ADAMTSL1: variants seen among roughly 807,000 people sequenced by gnomAD.
ADAMTSL1 encodes ADAMTS like 1.
ADAMTSL1 carries 126 observed loss-of-function variants against 201.8 expected under a neutral mutation model. The ratio of observed to expected loss-of-function variants is 0.62; its 90% CI spans 0.54 to 0.72. The LOEUF is 0.72. Among genes scored for constraint, ADAMTSL1 ranks in the 30% least tolerant of loss-of-function variants. The pLI is 0.00. For synonymous variants in ADAMTSL1, 1,121 were observed against 903.4 expected, an observed-to-expected ratio of 1.24 and a Z score of -4.32; for missense variants, 2,679 against 2,277.8, an observed-to-expected ratio of 1.18 and a Z score of -3.59.
chr9:17,921,574 C>G (rs1178975281), intron 1 of ADAMTSL1, among the ~76,000 whole-genome samples: 1 of 152,122 alleles, frequency 6.6e-6, no homozygotes, highest in African/African-American at 2.4e-5. Context: ...ATTTTTCTAT[C>G]CTGATCCAGT....
intron 1 of ADAMTSL1, among the ~76,000 whole-genome samples, chr9:18,046,254 A>G (rs1438100585): frequency 6.6e-6 from 1 of 152,182 alleles, no homozygotes; most frequent in Non-Finnish European, 1.5e-5. Flanking sequence ...TAAGGCAGCA[A>G]GTTGTTTCAG....
chr9:18,441,762 T>C (rs1820003197), intron 2 of ADAMTSL1, among the ~76,000 whole-genome samples: 1 of 152,106 alleles, frequency 6.6e-6, no homozygotes, highest in African/African-American at 2.4e-5. Context: ...AATGTAATGC[T>C]CTCAGCCTGG....
intron 3 of ADAMTSL1, among the ~76,000 whole-genome samples, chr9:18,570,707 C>T (rs1358683375): frequency 6.6e-6 from 1 of 152,162 alleles, no homozygotes; most frequent in Non-Finnish European, 1.5e-5. Context: ...AACTCAAACA[C>T]TAAAAAGGTT....
intron 2 of ADAMTSL1, among the ~76,000 whole-genome samples, chr9:18,453,350 G>A (rs1820485425): frequency 6.6e-6 from 1 of 152,020 alleles, no homozygotes; most frequent in Admixed American, 6.5e-5. Flanking sequence ...CAATGGGAGG[G>A]GCAGCCATGA....
intron 1 of ADAMTSL1, among the ~76,000 whole-genome samples, chr9:18,038,244 A>G (rs1821287267): frequency 6.6e-6 from 1 of 152,158 alleles, no homozygotes; most frequent in Admixed American, 6.5e-5. Context: ...GCTATTAATC[A>G]GGCAGCAGCT....
intron 2 of ADAMTSL1, among the ~76,000 whole-genome samples, chr9:18,253,882 G>GA (rs1831566089): frequency 1.3e-5 from 2 of 152,196 alleles, no homozygotes; most frequent in African/African-American, 4.8e-5. Context: ...CACCAGCAGT[G>GA]ATAATGGCAT....
intron 24 of ADAMTSL1, among the ~76,000 whole-genome samples, chr9:18,888,682 T>C (rs1829053772): frequency 6.6e-6 from 1 of 152,112 alleles, no homozygotes; most frequent in Non-Finnish European, 1.5e-5. Context: ...CTGGCCTTCT[T>C]ATAGTGTTTT....
chr9:18,908,450 A>G lies in ADAMTSL1; in HGVS notation c.5191A>G (p.Arg1731Gly), dbSNP rs1405827871. The G allele has an allele frequency of 1.3e-6, 2 of 1,557,690 alleles. No individual in the cohort carries two copies. Among genetic ancestry groups the G allele is most frequent in the Non-Finnish European group, 1.7e-6 (2 of 1,150,562 alleles). ...CCGTCCTCCTTTCCCAGTGGAGTGC[A>G]GAGACACCACCAGGTACTGCGAGAA... ...NITPCENMEC[R>G]DTTRYCEKVK... The change falls in exon 29 of 29, where the codon AGA becomes GGA. Residue 1731 changes from arginine to glycine, a missense_variant. Physicochemically the swap from Arg to Gly is moderately radical, Grantham distance 125 (BLOSUM62 -2). Transcript: ENST00000380548.
At chr9:18,116,528 A>C (rs561838344) in intron 1 of ADAMTSL1, among the ~76,000 whole-genome samples, 1 of 152,190 alleles carries the variant, frequency 6.6e-6, no homozygotes, top group South Asian at 2.1e-4. Flanking sequence ...TGTTTCTCTC[A>C]CTGTGTTATG....
At chr9:18,096,902 T>A (rs973274466) in intron 1 of ADAMTSL1, among the ~76,000 whole-genome samples, 3 of 152,224 alleles carry the variant, frequency 2.0e-5, no homozygotes, top group Non-Finnish European at 2.9e-5. Context: ...TTTTTTGTCA[T>A]CTTCTCTTAG....
chr9:18,392,306 T>A (rs1357843426), intron 2 of ADAMTSL1, among the ~76,000 whole-genome samples: 2 of 152,186 alleles, frequency 1.3e-5, no homozygotes, highest in African/African-American at 4.8e-5. Context: ...CTTTAGTACA[T>A]GTGGTTAATA....
At chr9:18,211,907 A>G (rs1829886598) in intron 2 of ADAMTSL1, among the ~76,000 whole-genome samples, 1 of 152,200 alleles carries the variant, frequency 6.6e-6, no homozygotes, top group Admixed American at 6.5e-5. Context: ...GTTAAGCTAC[A>G]AACTGTGGGA....
At chr9:18,530,577 A>C (rs1312387729) in intron 2 of ADAMTSL1, among the ~76,000 whole-genome samples, 1 of 152,298 alleles carries the variant, frequency 6.6e-6, no homozygotes, top group South Asian at 2.1e-4. Flanking sequence ...ATCTGCAGGC[A>C]TGCCAAATCT....
intron 23 of ADAMTSL1, among the ~76,000 whole-genome samples, chr9:18,886,166 G>GTGTGTGTA (rs1554657845): frequency 2.7e-5 from 1 of 37,138 alleles, no homozygotes; most frequent in African/African-American, 1.5e-4. Context: ...GTGTGTATGT[G>GTGTGTGTA]TATATATATA....
intron 26 of ADAMTSL1, among the ~76,000 whole-genome samples, chr9:18,897,125 C>T (rs568406326): frequency 2.0e-5 from 3 of 152,286 alleles, no homozygotes; most frequent in East Asian, 3.9e-4. Context: ...AGATAGTGGC[C>T]AGAATGATTG....
intron 2 of ADAMTSL1, among the ~76,000 whole-genome samples, chr9:18,513,436 T>C (rs78979166): frequency 0.014 from 2,186 of 152,328 alleles, 31 homozygotes; most frequent in East Asian, 0.058. Flanking sequence ...TCACTCAGGA[T>C]AATGGCCTCA....
rs1373922942 is a variant in ADAMTSL1, at chr9:17,925,197, A to G, written c.87+18275A>G. Among the ~76,000 whole-genome samples the G allele has an allele frequency of 2.6e-5, 3 of 115,682 alleles. 1 individual carries two copies. In the Admixed American group the frequency reaches 2.9e-4, roughly 11 times the overall value. The allele number at this position is 115,682 out of a possible 152,430, so 75.9% of individuals were successfully genotyped here. On this transcript the variant is annotated intron_variant, in intron 1 of 29. Transcript: ENST00000680146. The stretch of plus-strand genomic sequence containing the variant: ...TTAGAATGGCAATCATTAAAAAGTC[A>G]GGAAACAACAGGTGCTGAAGAGGAT...
At chr9:17,971,298 T>G (rs1818198115) in intron 1 of ADAMTSL1, among the ~76,000 whole-genome samples, 1 of 152,064 alleles carries the variant, frequency 6.6e-6, no homozygotes, top group Non-Finnish European at 1.5e-5. Context: ...AAATAGTTTC[T>G]TGTCTATTCA....
intron 2 of ADAMTSL1, among the ~76,000 whole-genome samples, chr9:18,453,016 G>A (rs1285605120): frequency 6.6e-6 from 1 of 152,216 alleles, no homozygotes; most frequent in Non-Finnish European, 1.5e-5. Context: ...CTGCCTTTGT[G>A]ACAAGTTTCT....
Sources: allele counts gnomAD v4.1 joint callset (sites outside exome capture counted in the v4.1 genomes callset), GRCh38; gene constraint gnomAD v4.1.1; transcripts MANE v1.5; gene names NCBI Gene and HGNC (gene_info 2026-07-23, HGNC 2026-07-21).